FOXP2: variants seen among roughly 807,000 people sequenced by gnomAD.
FOXP2 encodes forkhead box protein P2.
In FOXP2, 12 loss-of-function variants were observed where a neutral mutation model predicts 115.8. The observed-to-expected ratio is 0.10, with a 90% CI of 0.07 to 0.17. The LOEUF (loss-of-function observed/expected upper bound fraction) is 0.17, where lower values mean the gene tolerates loss of function less well. FOXP2 is among the 10% of genes least tolerant of loss of function. The probability of loss-of-function intolerance (pLI) is 1.00; values close to 1 mark genes in which losing one functional copy is unlikely to be tolerated. For missense variants in FOXP2, 629 were observed against 843.5 expected (o/e 0.75, Z 3.15); for synonymous variants, 328 against 297.7 (o/e 1.10, Z -1.05).
At chr7:114,202,000 T>C (rs1232805388) in intron 1 of FOXP2, among the ~76,000 whole-genome samples, 1 of 152,228 alleles carries the variant, frequency 6.6e-6, no homozygotes, top group Non-Finnish European at 1.5e-5. Context: ...GCCTTTTCTC[T>C]GTTTATAGAT....
intron 1 of FOXP2, among the ~76,000 whole-genome samples, chr7:114,127,314 GTT>G (rs1250663974): frequency 6.6e-6 from 1 of 152,138 alleles, no homozygotes; most frequent in African/African-American, 2.4e-5. Flanking sequence ...AATGGATCTT[GTT>G]TATTAGAAGC....
At chr7:114,195,529 A>G (rs1793880768) in intron 1 of FOXP2, among the ~76,000 whole-genome samples, 1 of 152,204 alleles carries the variant, frequency 6.6e-6, no homozygotes, top group Non-Finnish European at 1.5e-5. Flanking sequence ...CTCATTACTG[A>G]TATTTTAAAT....
chr7:114,163,774 T>C (rs1792900234), intron 1 of FOXP2, among the ~76,000 whole-genome samples: 1 of 152,224 alleles, frequency 6.6e-6, no homozygotes, highest in Admixed American at 6.5e-5. Context: ...AAATCTCTTG[T>C]TCTTTGTGAC....
At chr7:114,219,974 C>T (rs1239105299) in intron 1 of FOXP2, among the ~76,000 whole-genome samples, 1 of 151,858 alleles carries the variant, frequency 6.6e-6, no homozygotes, top group African/African-American at 2.4e-5. Flanking sequence ...TCAAGAGATT[C>T]TCCTGCCTCA....
chr7:114,352,498 C>T (rs999563241), intron 2 of FOXP2, among the ~76,000 whole-genome samples: 2 of 152,160 alleles, frequency 1.3e-5, no homozygotes, highest in African/African-American at 4.8e-5. Flanking sequence ...CAATTCTGAA[C>T]AGGCTCTTAC....
intron 1 of FOXP2, among the ~76,000 whole-genome samples, chr7:114,177,722 A>G (rs544883982): frequency 2.6e-5 from 4 of 152,018 alleles, no homozygotes; most frequent in Admixed American, 1.3e-4. Flanking sequence ...GTATGACATA[A>G]TATTTTCATA....
At chr7:114,653,226 T>C (rs993189487) in intron 9 of FOXP2, 3 of 154,116 alleles carry the variant, frequency 1.9e-5, no homozygotes, top group African/African-American at 7.2e-5. Context: ...TTTATAAACC[T>C]GTTTACCATT....
At chr7:114,620,344 C>T (rs999541127) in intron 3 of FOXP2, among the ~76,000 whole-genome samples, 5 of 152,004 alleles carry the variant, frequency 3.3e-5, no homozygotes, top group African/African-American at 1.2e-4. Flanking sequence ...ATTATTCTGA[C>T]CAAAGTGTTA....
At chr7:114,410,998 A>G (rs1232711652), upstream of FOXP2, among the ~76,000 whole-genome samples, 1 of 152,162 alleles carries the variant, frequency 6.6e-6, no homozygotes, top group Non-Finnish European at 1.5e-5. Context: ...TATCTAACAT[A>G]AAACATTGCA....
rs766446822 is a variant in FOXP2, at chr7:114,690,131, T to TC, written c.*205_*206insC. On this transcript the variant is annotated 3_prime_UTR_variant, in exon 17 of 17. Transcript: ENST00000350908. Reference sequence around the variant, plus strand: ...CTTGTTTTCTTCTTCTTCTTCTTCTTTTTTTTTTTTTTTTTAGAAAAAAAG... The same window carrying TC: ...CTTGTTTTCTTCTTCTTCTTCTTCTTCTTTTTTTTTTTTTTTAGAAAAAAAG... 0.054 allele frequency: 7,172 copies of TC among 131,798 alleles called. 62 individuals are homozygous for TC. Among genetic ancestry groups the TC allele is most frequent in the Middle Eastern group, 0.099 (75 of 756 alleles). The allele number at this position is 131,798 out of a possible 1,614,324, so 8.2% of individuals were successfully genotyped here.
chr7:114,364,038 C>T (rs980807316), intron 2 of FOXP2, among the ~76,000 whole-genome samples: 2 of 151,020 alleles, frequency 1.3e-5, no homozygotes, highest in Admixed American at 6.6e-5. Flanking sequence ...AAACACTATC[C>T]TAAATTTATG....
intron 1 of FOXP2, among the ~76,000 whole-genome samples, chr7:114,202,313 T>G (rs1368262492): frequency 1.3e-5 from 2 of 152,228 alleles, no homozygotes; most frequent in African/African-American, 4.8e-5. Flanking sequence ...TTTAGTTCCT[T>G]CTATGTGCAA....
chr7:114,463,755 T>C (rs1795683296), intron 2 of FOXP2, among the ~76,000 whole-genome samples: 1 of 152,210 alleles, frequency 6.6e-6, no homozygotes. Flanking sequence ...ATCTCTGTTA[T>C]GGCTCTCCCA....
intron 2 of FOXP2, among the ~76,000 whole-genome samples, chr7:114,399,916 G>A (rs1792841123): frequency 7.3e-6 from 1 of 136,578 alleles, no homozygotes. Context: ...GAGTGCAGTG[G>A]CGCGATCTTG....
In FOXP2 at chr7:114,688,382, G is replaced by A. The variant is rs1467411384; in HGVS notation, c.2004-1400G>A. The stretch of plus-strand genomic sequence containing the variant: ...ACAAAACCTAGAGTTTCCCAATAAG[G>A]TTTGAATAATAAGTTATTTTGCAAT... On this transcript the variant is annotated intron_variant, in intron 16 of 16. Transcript: ENST00000350908. Among the ~76,000 whole-genome samples, 2 of 151,784 alleles carry A rather than the reference G, an allele frequency of 1.3e-5. 1 individual carries two copies. The highest frequency in any genetic ancestry group is 4.2e-4 in the South Asian group (2 of 4,814).
chr7:114,230,610 A>G (rs966127471), intron 1 of FOXP2, among the ~76,000 whole-genome samples: 1 of 152,054 alleles, frequency 6.6e-6, no homozygotes, highest in Non-Finnish European at 1.5e-5. Flanking sequence ...AACAGATTGA[A>G]AGATAAAAAT....
At chr7:114,352,303 A>G (rs951983308) in intron 2 of FOXP2, among the ~76,000 whole-genome samples, 3 of 152,058 alleles carry the variant, frequency 2.0e-5, no homozygotes, top group Non-Finnish European at 4.4e-5. Flanking sequence ...AAAAAGAATG[A>G]AAGAAAGTTG....
At chr7:114,314,426 A>C (rs955341258) in intron 2 of FOXP2, among the ~76,000 whole-genome samples, 2 of 152,146 alleles carry the variant, frequency 1.3e-5, no homozygotes, top group African/African-American at 4.8e-5. Flanking sequence ...TCCTTCAGAC[A>C]GCATGGGTAG....
intron 2 of FOXP2, among the ~76,000 whole-genome samples, chr7:114,362,937 A>G (rs1362795532): frequency 2.6e-5 from 4 of 152,074 alleles, no homozygotes. Flanking sequence ...CTGGAAGAGA[A>G]GTCTATAATT....
Sources: gnomAD v4.1 joint callset for allele counts (sites outside exome capture counted in the v4.1 genomes callset) on GRCh38, gnomAD v4.1.1 for gene constraint, MANE v1.5 for transcripts, NCBI Gene and HGNC (gene_info 2026-07-23, HGNC 2026-07-21) for gene names.